The following BUB1 variants were observed in gnomAD, a reference collection of about 807,000 sequenced individuals.
The protein encoded by BUB1 is mitotic checkpoint serine/threonine-protein kinase BUB1.
A neutral mutation model predicts 135.2 loss-of-function variants in BUB1; 84 were observed. The observed-to-expected ratio is 0.62, with a 90% confidence interval of 0.52 to 0.74. The LOEUF is 0.74. Ranked by LOEUF, BUB1 falls within the 30% of genes least tolerant of loss-of-function variation. BUB1 has a pLI of 0.00. For missense variants in BUB1, 1,162 were observed against 1,288.3 expected, an observed-to-expected ratio of 0.90 and a Z score of 1.50; for synonymous variants, 403 against 434.4, an observed-to-expected ratio of 0.93 and a Z score of 0.90.
At chr2:110,672,254 T>C (rs1237174889) in intron 4 of BUB1, among the ~76,000 whole-genome samples, 1 of 152,154 alleles carries the variant, frequency 6.6e-6, no homozygotes, top group African/African-American at 2.4e-5. Context: ...ATCATGGTGC[T>C]GTTTATAAAA....
chr2:110,649,412 C>T, intron 18 of BUB1, 35 bp from the exon 19 acceptor site: 1 of 1,495,090 alleles, frequency 6.7e-7, no homozygotes, highest in Non-Finnish European at 9.0e-7. Context: ...AAAAAGGGAA[C>T]ATGAATTGAG....
rs1421730538 is a variant in BUB1 at position 110,667,838 on chromosome 2, A to G, written c.579T>C (p.Leu193=). The change falls in exon 7 of 25, where the codon CTT becomes CTC. Residue 193 remains leucine, a synonymous_variant. Transcript: ENST00000302759. ...CACAAGCTGAAGATATCACTCCAGA[A>G]AGCTCTGAACCCTAAAAAACAGAAA... ...ACISKNQGSE[L]SGVISSACDK... 2 of 1,613,238 alleles carry G rather than the reference A, an allele frequency of 1.2e-6. No homozygotes were observed. The highest frequency in any genetic ancestry group is 1.3e-5 in the African/African-American group (1 of 74,914).
intron 1 of BUB1, 144 bp downstream of exon 1, chr2:110,677,826 C>A: frequency 1.0e-6 from 1 of 980,418 alleles, no homozygotes. Context: ...TCTCAAGCAG[C>A]CCACGGCCTT....
At position 110,648,228 on chromosome 2, in the gene BUB1, A is replaced by G. The variant is rs1689693920; in HGVS notation, c.2347+1006T>C. Among the ~76,000 whole-genome samples the G allele has an allele frequency of 6.6e-6, 1 of 152,156 alleles. No homozygotes were observed. The highest frequency in any genetic ancestry group is 1.5e-5 in the Non-Finnish European group (1 of 68,016). On this transcript the variant is annotated intron_variant, in intron 19 of 24. Transcript: ENST00000302759. The surrounding 1 kb of genome is among the most constrained non-coding windows in gnomAD (Gnocchi z 4.2). The stretch of plus-strand genomic sequence containing the variant: ...ATTCAGTGATAAAAAAAAAAAAGCT[A>G]TCAAATCATGAAATGACACAAGGGA...
chr2:110,670,687 G>C lies in BUB1; in HGVS notation c.423-119C>G, dbSNP rs575614822. 2.7e-5 allele frequency: 26 copies of C among 973,828 alleles called. 1 individual carries two copies. The African/African-American group carries it at 3.6e-4, about 14-fold the overall frequency. 60.3% of individuals were successfully genotyped at this position (973,828 alleles called of 1,614,324 possible). ...AAGCTAGTAAAGTCTGACGTCAAGA[G>C]AGAATGTACAGTTGCATTTTAGAGT... On this transcript the variant is annotated intron_variant, in intron 4 of 24. Coordinates refer to ENST00000302759, the MANE Select transcript of BUB1 (RefSeq NM_004336.5).
At chr2:110,668,945 G>A (rs1690341908) in intron 6 of BUB1, among the ~76,000 whole-genome samples, 1 of 152,182 alleles carries the variant, frequency 6.6e-6, no homozygotes, top group Non-Finnish European at 1.5e-5. Context: ...AGTGAACCTG[G>A]AAACATAAGA....
At chr2:110,649,497 A>G (rs921586760) in intron 18 of BUB1, 120 bp from the exon 19 acceptor site, 35 of 949,824 alleles carry the variant, frequency 3.7e-5, no homozygotes, top group African/African-American at 5.0e-5. Flanking sequence ...TCAAAGCCTT[A>G]TAAGAGTATT....
Position 110,641,652 on chromosome 2 carries a change from C to G in BUB1, c.2615G>C (p.Gly872Ala). Residue 872 changes from glycine (G) to alanine (A), a missense_variant, in exon 21 of 25, where the codon GGA (glycine) becomes GCA (alanine). Coordinates refer to ENST00000302759, the MANE Select transcript of BUB1 (RefSeq NM_004336.5). ...AAAATGAATACTTACTAATAATGTT[C>G]CATAGCTGTAGAGCTCTCCTACTAA... is the stretch of plus-strand genomic sequence containing the variant. ...SVLVGELYSYGTLLNAINLYK... is the reference protein window; with the variant it reads ...SVLVGELYSYATLLNAINLYK... 1 of 1,610,640 alleles carries G rather than the reference C, an allele frequency of 6.2e-7. No homozygotes were observed. Among genetic ancestry groups the G allele is most frequent in the Non-Finnish European group, 8.5e-7 (1 of 1,179,292 alleles).
chr2:110,656,457 A>C (rs137997713), intron 15 of BUB1, among the ~76,000 whole-genome samples: 1 of 152,048 alleles, frequency 6.6e-6, no homozygotes, highest in African/African-American at 2.4e-5. Flanking sequence ...GACACTTTTG[A>C]ACACTAGTCA....
At chr2:110,652,462 T>A (rs893453716) in intron 17 of BUB1, among the ~76,000 whole-genome samples, 1 of 152,192 alleles carries the variant, frequency 6.6e-6, no homozygotes, top group Non-Finnish European at 1.5e-5. Flanking sequence ...GTGTATTAGA[T>A]AAGCTTTATT....
At chr2:110,641,578 G>A (rs916004144) in intron 21 of BUB1, 64 bp downstream of exon 21, 9 of 1,570,666 alleles carry the variant, frequency 5.7e-6, no homozygotes, top group African/African-American at 2.7e-5. Context: ...ACAAAAGTAC[G>A]TGCAAGGTAC....
intron 5 of BUB1, among the ~76,000 whole-genome samples, chr2:110,669,952 A>C (rs1372838298): frequency 6.6e-6 from 1 of 152,106 alleles, no homozygotes; most frequent in Non-Finnish European, 1.5e-5. Flanking sequence ...TTTGAATTAA[A>C]AAAAAATCCT....
chr2:110,664,187 T>C (rs1690179939), intron 9 of BUB1, among the ~76,000 whole-genome samples: 1 of 151,710 alleles, frequency 6.6e-6, no homozygotes, highest in Non-Finnish European at 1.5e-5. Flanking sequence ...GAGGAAAAAA[T>C]ATCCACCTCT....
chr2:110,641,486 A>C (rs755799187), intron 21 of BUB1, 22 bp from the exon 22 acceptor site: 3 of 1,590,840 alleles, frequency 1.9e-6, no homozygotes, highest in African/African-American at 2.7e-5. Flanking sequence ...GGAAAGTGGA[A>C]TCCTGAGTTA....
intron 16 of BUB1, among the ~76,000 whole-genome samples, chr2:110,655,397 G>A (rs1689901620): frequency 6.6e-6 from 1 of 152,072 alleles, no homozygotes; most frequent in Non-Finnish European, 1.5e-5. Context: ...AATGTCTGTA[G>A]TGGCTGTTTT....
intron 3 of BUB1, 97 bp from the exon 4 acceptor site, chr2:110,672,954 C>G: frequency 7.9e-7 from 1 of 1,258,576 alleles, no homozygotes; most frequent in East Asian, 2.6e-5. Flanking sequence ...CCCTAGGTAG[C>G]TTCGGATGGG....
At chr2:110,660,093 G>A (rs1181192958) in intron 10 of BUB1, 57 bp from the exon 11 acceptor site, 1 of 1,458,224 alleles carries the variant, frequency 6.9e-7, no homozygotes, top group Non-Finnish European at 9.6e-7. Flanking sequence ...TCTAGGCTGG[G>A]TGCGGTGGTG....
chr2:110,666,124 T>A (rs1559172999), intron 9 of BUB1, 139 bp downstream of exon 9: 3 of 858,424 alleles, frequency 3.5e-6, no homozygotes, highest in Admixed American at 4.3e-5. Flanking sequence ...AACGTCTATG[T>A]CAAATTATTT....
rs1455191017 is a variant in BUB1, at chr2:110,642,192, G to C, written c.2390C>G (p.Ala797Gly). The C allele has an allele frequency of 2.5e-6, 4 of 1,613,428 alleles. No individual in the cohort carries two copies. Among genetic ancestry groups the C allele is most frequent in the Non-Finnish European group, 3.4e-6 (4 of 1,179,784 alleles). ...VYVHHLLGEGAFAQVYEATQG... is the reference protein window; with the variant it reads ...VYVHHLLGEGGFAQVYEATQG... ...GGTAGCTTCGTACACCTGGGCAAAGGCTCCTTCTCCAAGAAGGTGATGGAC... is the reference window on the plus strand; with the variant it reads ...GGTAGCTTCGTACACCTGGGCAAAGCCTCCTTCTCCAAGAAGGTGATGGAC... Residue 797 changes from alanine (A) to glycine (G), a missense_variant, in exon 20 of 25, where the codon GCC becomes GGC. By Grantham distance (60) the Ala-to-Gly change is moderately conservative (BLOSUM62 0). Coordinates refer to ENST00000302759, the MANE Select transcript of BUB1 (RefSeq NM_004336.5).
Sources: gnomAD v4.1 joint callset for allele counts (sites outside exome capture counted in the v4.1 genomes callset) on GRCh38, gnomAD v4.1.1 for gene constraint, Gnocchi (gnomAD v3.1) non-coding constraint, MANE v1.5 for transcripts, NCBI Gene and HGNC (gene_info 2026-07-23, HGNC 2026-07-21) for gene names.